The following SNTG1 variants were observed in gnomAD, a reference collection of about 807,000 sequenced individuals.
SNTG1 encodes syntrophin gamma 1.
In SNTG1, 39 loss-of-function variants were observed where a neutral mutation model predicts 74.7. The ratio of observed to expected loss-of-function variants is 0.52; its 90% CI spans 0.40 to 0.68. The LOEUF (loss-of-function observed/expected upper bound fraction) is 0.68, where lower values mean the gene tolerates loss of function less well. Ranked by LOEUF, SNTG1 falls within the 30% of genes least tolerant of loss-of-function variation. The pLI is 0.00. For synonymous variants in SNTG1, 254 were observed against 217.1 expected, an observed-to-expected ratio of 1.17 and a Z score of -1.49; for missense variants, 685 against 609.5, an observed-to-expected ratio of 1.12 and a Z score of -1.30.
intron 1 of SNTG1, among the ~76,000 whole-genome samples, chr8:50,154,219 C>T (rs896020345): frequency 6.6e-6 from 1 of 152,098 alleles, no homozygotes; most frequent in African/African-American, 2.4e-5. Flanking sequence ...GGGTGTGGGA[C>T]CCCCCAAGCC....
chr8:50,073,291 AC>A (rs1430241860), intron 1 of SNTG1, among the ~76,000 whole-genome samples: 4 of 152,306 alleles, frequency 2.6e-5, no homozygotes, highest in Non-Finnish European at 4.4e-5. Context: ...GAGAAACCAC[AC>A]TTTTTTGCTC....
intron 4 of SNTG1, among the ~76,000 whole-genome samples, chr8:50,430,654 A>G (rs1347740319): frequency 2.6e-5 from 4 of 152,144 alleles, no homozygotes; most frequent in African/African-American, 9.7e-5. Flanking sequence ...TGCAGACAGA[A>G]ATGTGGTCTT....
intron 15 of SNTG1, among the ~76,000 whole-genome samples, chr8:50,659,122 C>T (rs1363562398): frequency 6.6e-6 from 1 of 151,956 alleles, no homozygotes; most frequent in African/African-American, 2.4e-5. Context: ...CTGTTTTGTT[C>T]TTAATCTCAT....
At chr8:50,537,367 A>G (rs557486756) in intron 11 of SNTG1, among the ~76,000 whole-genome samples, 1 of 152,330 alleles carries the variant, frequency 6.6e-6, no homozygotes, top group African/African-American at 2.4e-5. Flanking sequence ...TGCTGGGATT[A>G]TAGGCATAAA....
At chr8:50,130,489 G>C (rs1055175495) in intron 1 of SNTG1, among the ~76,000 whole-genome samples, 1 of 152,008 alleles carries the variant, frequency 6.6e-6, no homozygotes, top group Non-Finnish European at 1.5e-5. Context: ...TAGTCAGAGA[G>C]AAAAGGTTAT....
At chr8:49,940,294 G>A (rs886118128) in intron 1 of SNTG1, among the ~76,000 whole-genome samples, 3 of 152,128 alleles carry the variant, frequency 2.0e-5, no homozygotes, top group South Asian at 2.1e-4. Flanking sequence ...GCACCCAGGC[G>A]GTATTGTAAT....
At chr8:50,767,433 A>G (rs1374714657) in intron 18 of SNTG1, among the ~76,000 whole-genome samples, 1 of 151,944 alleles carries the variant, frequency 6.6e-6, no homozygotes, top group Non-Finnish European at 1.5e-5. Flanking sequence ...TCATAATACA[A>G]AAAACCTTTT....
chr8:50,742,775 A>G (rs373519968), intron 17 of SNTG1, among the ~76,000 whole-genome samples: 1 of 151,892 alleles, frequency 6.6e-6, no homozygotes, highest in Non-Finnish European at 1.5e-5. Flanking sequence ...AACAAAATTT[A>G]TAAGTCTTTA....
chr8:50,221,052 T>C lies in SNTG1; in HGVS notation c.-28+48417T>C, dbSNP rs566825901. Among the ~76,000 whole-genome samples the C allele has an allele frequency of 5.3e-5, 8 of 152,266 alleles. No homozygotes were observed. The East Asian group carries it at 1.5e-3, about 29-fold the overall frequency. On this transcript the variant is annotated intron_variant, in intron 2 of 18. Coordinates refer to ENST00000642720, the MANE Select transcript of SNTG1 (RefSeq NM_018967.5). ...ACCAGTACTGGTATTACATATATTA[T>C]ATTATCTGATGACAGCACAATTGAG...
At chr8:49,983,968 G>GAGGCACAAT (rs1226340680) in intron 1 of SNTG1, among the ~76,000 whole-genome samples, 3 of 140,846 alleles carry the variant, frequency 2.1e-5, no homozygotes, top group African/African-American at 9.7e-5. Context: ...TTATTACTCT[G>GAGGCACAAT]AGGCACAATT....
chr8:50,737,527 G>A (rs1199477662), intron 17 of SNTG1, among the ~76,000 whole-genome samples: 1 of 152,086 alleles, frequency 6.6e-6, no homozygotes, highest in African/African-American at 2.4e-5. Flanking sequence ...CCAAAAAATA[G>A]CAAGAGAGGG....
chr8:50,536,620 T>C (rs372868620), intron 10 of SNTG1, 58 bp from the exon 11 acceptor site: 63 of 1,584,538 alleles, frequency 4.0e-5, no homozygotes, highest in East Asian at 3.1e-4. Flanking sequence ...GGGTTTGAGA[T>C]ACAGAAACTC....
intron 1 of SNTG1, among the ~76,000 whole-genome samples, chr8:49,973,077 C>G (rs868643823): frequency 1.3e-5 from 2 of 152,014 alleles, no homozygotes; most frequent in African/African-American, 2.4e-5. Flanking sequence ...ATGTTTATTG[C>G]GGCACTATTC....
At chr8:50,563,574 A>T (rs1403876145) in intron 12 of SNTG1, among the ~76,000 whole-genome samples, 1 of 152,122 alleles carries the variant, frequency 6.6e-6, no homozygotes, top group East Asian at 1.9e-4. Flanking sequence ...TGATAGACAA[A>T]TTTTTTTTAA....
At chr8:50,415,337 T>C (rs2093000926) in intron 4 of SNTG1, among the ~76,000 whole-genome samples, 1 of 152,156 alleles carries the variant, frequency 6.6e-6, no homozygotes, top group Admixed American at 6.6e-5. Flanking sequence ...GAATATAAAC[T>C]AATAGGCTGA....
At chr8:50,234,242 T>C (rs1309051622) in intron 2 of SNTG1, among the ~76,000 whole-genome samples, 2 of 151,930 alleles carry the variant, frequency 1.3e-5, no homozygotes, top group Non-Finnish European at 2.9e-5. Context: ...ACTAATGATA[T>C]ATACCAAAGC....
chr8:50,620,586 T>C (rs2094915892), intron 13 of SNTG1, among the ~76,000 whole-genome samples: 1 of 152,122 alleles, frequency 6.6e-6, no homozygotes, highest in Non-Finnish European at 1.5e-5. Flanking sequence ...CTGGGGTGCC[T>C]CAGAGAGAGT....
intron 2 of SNTG1, among the ~76,000 whole-genome samples, chr8:50,357,103 T>A (rs1241928717): frequency 3.3e-5 from 5 of 152,182 alleles, no homozygotes; most frequent in Admixed American, 6.5e-5. Flanking sequence ...GAAACTGCCC[T>A]TCCTTCAGGA....
chr8:50,011,614 C>T (rs1815802779), intron 1 of SNTG1, among the ~76,000 whole-genome samples: 1 of 116,244 alleles, frequency 8.6e-6, no homozygotes. Context: ...GTCACTATCC[C>T]AAGGTGAAAT....
Sources: gnomAD v4.1 joint callset for allele counts (sites outside exome capture counted in the v4.1 genomes callset) on GRCh38, gnomAD v4.1.1 for gene constraint, MANE v1.5 for transcripts, NCBI Gene and HGNC (gene_info 2026-07-23, HGNC 2026-07-21) for gene names.